HECW2: variants seen among roughly 807,000 people sequenced by gnomAD.
The protein encoded by HECW2 is HECT, C2 and WW domain containing E3 ubiquitin protein ligase 2, also known as E3 ubiquitin-protein ligase HECW2.
In HECW2, 61 loss-of-function variants were observed where a neutral mutation model predicts 175.2. The observed-to-expected ratio is 0.35, with a 90% CI of 0.28 to 0.43. The LOEUF (loss-of-function observed/expected upper bound fraction) is 0.43, where lower values mean the gene tolerates loss of function less well. Ranked by LOEUF, HECW2 falls within the 20% of genes least tolerant of loss-of-function variation. The probability of loss-of-function intolerance (pLI) is 1.00; values close to 1 mark genes in which losing one functional copy is unlikely to be tolerated. For synonymous variants in HECW2, 671 were observed against 731.0 expected, an observed-to-expected ratio of 0.92 and a Z score of 1.32; for missense variants, 1,524 against 2,000.5, an observed-to-expected ratio of 0.76 and a Z score of 4.54.
chr2:196,535,723 C>T (rs1210617141), intron 1 of HECW2, among the ~76,000 whole-genome samples: 2 of 152,124 alleles, frequency 1.3e-5, no homozygotes, highest in African/African-American at 4.8e-5. Context: ...TGCAGAGGTG[C>T]TATGAGTTCA....
chr2:196,530,594 A>T (rs1688807000), intron 1 of HECW2, among the ~76,000 whole-genome samples: 1 of 152,218 alleles, frequency 6.6e-6, no homozygotes, highest in Non-Finnish European at 1.5e-5. Flanking sequence ...CTTTGGATAA[A>T]TCCTAAACTC....
In HECW2 at chr2:196,329,630, C is replaced by T. The variant is rs771152234; in HGVS notation, c.516G>A (p.Glu172=). 5 of 1,613,554 alleles carry T rather than the reference C, an allele frequency of 3.1e-6. No homozygotes were observed. In the African/African-American group the frequency reaches 6.7e-5, roughly 22 times the overall value. ...AATGCAGGTTTCCTGAAGCACCTCC[C>T]TCCATGCCTTCTGCCCCCATCTGAA... ...PAVMMGAEGM[E]GGASGNLHSR... The change falls in exon 5 of 29, where the codon GAG becomes GAA. Residue 172 remains glutamate (E), a synonymous_variant. Coordinates refer to ENST00000644978, the MANE Select transcript of HECW2 (RefSeq NM_001348768.2).
At chr2:196,236,831 T>G (rs1380626742) in intron 21 of HECW2, among the ~76,000 whole-genome samples, 4 of 152,232 alleles carry the variant, frequency 2.6e-5, no homozygotes, top group Non-Finnish European at 5.9e-5. Flanking sequence ...TTGTGGCTAT[T>G]GATGTTGACC....
At chr2:196,305,242 C>T (rs61562559) in intron 13 of HECW2, among the ~76,000 whole-genome samples, 3,839 of 152,302 alleles carry the variant, frequency 0.025, 75 homozygotes, top group South Asian at 0.092. Context: ...AACAAACTTG[C>T]GAAGCTGAGT....
At chr2:196,216,715 G>C (rs3816515) in intron 27 of HECW2, among the ~76,000 whole-genome samples, 33,340 of 152,046 alleles carry the variant, frequency 0.22, 4,312 homozygotes, top group East Asian at 0.45. Context: ...TACCCTGGGT[G>C]CTTCTTGCTG....
chr2:196,257,997 T>C, intron 17 of HECW2, 91 bp from the exon 18 acceptor site: 3 of 867,660 alleles, frequency 3.5e-6, no homozygotes, highest in Non-Finnish European at 5.7e-6. Context: ...ATAGTCATGA[T>C]GTTTTTTGGT....
At position 196,240,432 on chromosome 2, in the gene HECW2, T is replaced by A. The variant is rs373067310; in HGVS notation, c.3764+17A>T. 22 of 1,562,652 alleles carry A rather than the reference T, an allele frequency of 1.4e-5. No individual in the cohort carries two copies. The highest frequency in any genetic ancestry group is 7.6e-5 in the Admixed American group (4 of 52,456). On this transcript the variant is annotated intron_variant, in intron 21 of 28. Coordinates refer to ENST00000644978, the MANE Select transcript of HECW2 (RefSeq NM_001348768.2). ...CCACAGCCTATGTTCCACAGGCCACTTCTCTGTTCTACTCACCCTTCCTCC... is the reference window on the plus strand; with the variant it reads ...CCACAGCCTATGTTCCACAGGCCACATCTCTGTTCTACTCACCCTTCCTCC...
intron 19 of HECW2, among the ~76,000 whole-genome samples, chr2:196,246,564 A>AT (rs1044530810): frequency 8.6e-5 from 13 of 151,312 alleles, no homozygotes; most frequent in African/African-American, 3.2e-4. Flanking sequence ...ATTTTTTTGT[A>AT]TTTTTTTAGT....
intron 19 of HECW2, among the ~76,000 whole-genome samples, chr2:196,248,631 C>CACACACACAGAGAGAG (rs779364588): frequency 6.7e-6 from 1 of 148,384 alleles, no homozygotes; most frequent in African/African-American, 2.5e-5. Flanking sequence ...CACACACACA[C>CACACACACAGAGAGAG]AGAGAGAGAC....
At chr2:196,514,831 C>T (rs769230315) in intron 1 of HECW2, among the ~76,000 whole-genome samples, 4 of 152,228 alleles carry the variant, frequency 2.6e-5, no homozygotes, top group Non-Finnish European at 5.9e-5. Flanking sequence ...GCCTTGCTCA[C>T]CCTCCAGTTG....
At chr2:196,322,756 G>C in intron 6 of HECW2, 136 bp from the exon 7 acceptor site, 2 of 704,158 alleles carry the variant, frequency 2.8e-6, no homozygotes, top group Non-Finnish European at 4.6e-6. Context: ...AATAGCTGCA[G>C]CTATTGTCAA....
chr2:196,539,104 T>C (rs1461748516), intron 1 of HECW2, among the ~76,000 whole-genome samples: 1 of 152,182 alleles, frequency 6.6e-6, no homozygotes, highest in African/African-American at 2.4e-5. Context: ...CCCTGGAGTC[T>C]TAAGCCGAGA....
At position 196,512,160 on chromosome 2, in the gene HECW2, A is replaced by C. The variant is rs549218189; in HGVS notation, c.-35-78702T>G. 2.0e-5 allele frequency among the ~76,000 whole-genome samples: 3 copies of C among 152,356 alleles called. No individual in the cohort carries two copies. The South Asian group carries it at 6.2e-4, about 32-fold the overall frequency. On this transcript the variant is annotated intron_variant, in intron 1 of 28. Transcript: ENST00000644978. ...ACAGGCAGGATGTAACTTTCATTCC[A>C]TTCACAATGACGGGCCACGTGAGAA...
chr2:196,503,781 A>C (rs1170246130), intron 1 of HECW2, among the ~76,000 whole-genome samples: 1 of 152,224 alleles, frequency 6.6e-6, no homozygotes, highest in Non-Finnish European at 1.5e-5. Context: ...ACGGATAGAA[A>C]CACAAACACA....
At chr2:196,570,135 A>G (rs187429637) in intron 1 of HECW2, among the ~76,000 whole-genome samples, 5 of 152,358 alleles carry the variant, frequency 3.3e-5, no homozygotes, top group Admixed American at 2.6e-4. Flanking sequence ...TAAAAGTCTC[A>G]ATAGATATGA....
rs138923669 is a variant in HECW2, at chr2:196,328,630, C to T, written c.571+945G>A. Among the ~76,000 whole-genome samples, 14 of 151,760 alleles carry T rather than the reference C, an allele frequency of 9.2e-5. No individual in the cohort carries two copies. In the South Asian group the frequency reaches 2.9e-3, roughly 31 times the overall value. On this transcript the variant is annotated intron_variant, in intron 5 of 28. Transcript: ENST00000644978. ...TTTTTGTTTGTTTGTTTGTTTTTTG[C>T]AATCAAGAAAAGTGGATCTAATTTA...
At chr2:196,478,824 C>CAGG (rs1426790461) in intron 1 of HECW2, among the ~76,000 whole-genome samples, 2 of 152,006 alleles carry the variant, frequency 1.3e-5, no homozygotes, top group African/African-American at 4.8e-5. Flanking sequence ...TTAGAACAAG[C>CAGG]AGGAGCCAGG....
chr2:196,306,150 G>C (rs974828153), intron 13 of HECW2, among the ~76,000 whole-genome samples: 32 of 152,088 alleles, frequency 2.1e-4, no homozygotes, highest in African/African-American at 7.2e-4. Context: ...AAGATGGAGG[G>C]AGAAGATGCT....
At chr2:196,360,109 A>C (rs1191681356) in intron 2 of HECW2, among the ~76,000 whole-genome samples, 2 of 152,200 alleles carry the variant, frequency 1.3e-5, no homozygotes, top group Non-Finnish European at 2.9e-5. Flanking sequence ...TGTCTCTAAA[A>C]AAAAATTACA....
Sources: allele counts gnomAD v4.1 joint callset (sites outside exome capture counted in the v4.1 genomes callset), GRCh38; gene constraint gnomAD v4.1.1; transcripts MANE v1.5; gene names NCBI Gene and HGNC (gene_info 2026-07-23, HGNC 2026-07-21).